Variants in BRK1 observed in about 807,000 individuals in gnomAD.
BRK1 encodes protein BRICK1.
In BRK1, 6 loss-of-function variants were observed where a neutral mutation model predicts 9.9. The observed-to-expected ratio is 0.60, with a 90% CI of 0.33 to 1.19. BRK1 has a LOEUF of 1.19. Ranked by LOEUF, BRK1 falls within the 50% of genes most tolerant of loss-of-function variation. The pLI is 0.04. For synonymous variants in BRK1, 44 were observed against 31.9 expected, an observed-to-expected ratio of 1.38 and a Z score of -1.28; for missense variants, 62 against 97.5, an observed-to-expected ratio of 0.64 and a Z score of 1.53.
intron 2 of BRK1, 21 bp from the exon 3 acceptor site, chr3:10,126,248 A>T (rs370276554): frequency 5.7e-5 from 86 of 1,509,194 alleles, no homozygotes; most frequent in Non-Finnish European, 7.2e-5. Context: ...TCTAAATGTC[A>T]GTTTTCCTTT....
At chr3:10,115,895 T>C in intron 1 of BRK1, 76 bp downstream of exon 1, 1 of 1,158,010 alleles carries the variant, frequency 8.6e-7, no homozygotes, top group Non-Finnish European at 1.3e-6. Flanking sequence ...GGGGAGATGC[T>C]TTGAGAGGAC....
At position 10,115,736 on chromosome 3, in the gene BRK1, T is replaced by G; in HGVS notation, c.35T>G (p.Ile12Ser). 6.2e-7 allele frequency: 1 copy of G among 1,613,698 alleles called. No homozygotes were observed. The highest frequency in any genetic ancestry group is 8.5e-7 in the Non-Finnish European group (1 of 1,179,790). The change falls in exon 1 of 3, where the codon ATT becomes AGT. Residue 12 changes from isoleucine (I) to serine (S), a missense_variant. Ile to Ser is a moderately radical substitution (Grantham distance 142). Coordinates refer to ENST00000530758, the MANE Select transcript of BRK1 (RefSeq NM_018462.5). ...CAGGAGGATCCGGTGCAGCGGGAGA[T>G]TCACCAGGACTGGGCTAACCGGGAG... ...AGQEDPVQRE[I>S]HQDWANREYI...
chr3:10,125,838 C>T (rs370623683), intron 2 of BRK1, 130 bp downstream of exon 2: 5 of 647,806 alleles, frequency 7.7e-6, no homozygotes, highest in Non-Finnish European at 1.3e-5. Flanking sequence ...CGCCTGTAAT[C>T]CCAGCACTTT....
At chr3:10,115,844 G>A (rs781432308) in intron 1 of BRK1, 25 bp downstream of exon 1, 1 of 1,586,822 alleles carries the variant, frequency 6.3e-7, no homozygotes, top group South Asian at 1.1e-5. Flanking sequence ...AAGGGGAGGC[G>A]GGGAGGAGGG....
intron 1 of BRK1, among the ~76,000 whole-genome samples, chr3:10,124,994 A>G (rs1430446173): frequency 6.6e-6 from 1 of 152,180 alleles, no homozygotes; most frequent in African/African-American, 2.4e-5. Context: ...ATTGGGCCCA[A>G]ATGGACAATC....
At position 10,126,993 on chromosome 3, in the gene BRK1, G is replaced by T. The variant is rs185958915; in HGVS notation, c.*698G>T. ...TTATTGCACAGAAATGTAATACATG[G>T]CGTTATTATTCTAACATAAAACTTT... On this transcript the variant is annotated 3_prime_UTR_variant, in exon 3 of 3. Coordinates refer to ENST00000530758, the MANE Select transcript of BRK1 (RefSeq NM_018462.5). The T allele has an allele frequency of 6.5e-6, 1 of 152,734 alleles. No homozygotes were observed. The highest frequency in any genetic ancestry group is 1.9e-4 in the East Asian group (1 of 5,186). The allele number at this position is 152,734 out of a possible 1,614,324, so 9.5% of individuals were successfully genotyped here. A position where few individuals can be genotyped will look rare whatever the true frequency, so the allele number is the denominator to read the frequency against.
intron 1 of BRK1, among the ~76,000 whole-genome samples, chr3:10,116,891 T>C (rs1044322476): frequency 6.6e-6 from 1 of 152,156 alleles, no homozygotes; most frequent in African/African-American, 2.4e-5. Context: ...TAATGACAAC[T>C]TCAGGACAAA....
intron 1 of BRK1, among the ~76,000 whole-genome samples, chr3:10,117,374 T>G (rs190110091): frequency 0.01 from 1,594 of 151,904 alleles, 14 homozygotes; most frequent in South Asian, 0.039. Flanking sequence ...AAGACTTTAT[T>G]TGGGCTTTTC....
At chr3:10,125,220 C>T (rs1248827149) in intron 1 of BRK1, among the ~76,000 whole-genome samples, 3 of 152,102 alleles carry the variant, frequency 2.0e-5, no homozygotes, top group African/African-American at 7.2e-5. Flanking sequence ...TTTCCTGCCT[C>T]AGCCTCTTAA....
In BRK1 at chr3:10,126,678, GA is replaced by G. The variant is rs1320950346; in HGVS notation, c.*385del. ...CTCATTGCCTTTGCACTGCTTCTGT[GA>G]ACAGTCTTTGTCTCCTCCCCACCTT... On this transcript the variant is annotated 3_prime_UTR_variant, in exon 3 of 3. Coordinates refer to ENST00000530758, the MANE Select transcript of BRK1 (RefSeq NM_018462.5). The G allele has an allele frequency of 5.4e-6, 1 of 185,150 alleles. No individual in the cohort carries two copies. The highest frequency in any genetic ancestry group is 1.1e-5 in the Non-Finnish European group (1 of 87,878). The allele number at this position is 185,150 out of a possible 1,614,324, so 11.5% of individuals were successfully genotyped here. A position where few individuals can be genotyped will look rare whatever the true frequency, so the allele number is the denominator to read the frequency against.
intron 2 of BRK1, 93 bp from the exon 3 acceptor site, chr3:10,126,176 T>C: frequency 1.2e-6 from 1 of 800,048 alleles, no homozygotes; most frequent in Non-Finnish European, 1.9e-6. Context: ...TCTTTTCTGC[T>C]ATTTCTCACT....
intron 1 of BRK1, among the ~76,000 whole-genome samples, chr3:10,122,097 T>C (rs1695765336): frequency 6.7e-6 from 1 of 148,690 alleles, no homozygotes; most frequent in African/African-American, 2.5e-5. Flanking sequence ...TTTTTTTTTG[T>C]ATTTTTAGTA....
chr3:10,119,628 C>G (rs1291946177), intron 1 of BRK1, among the ~76,000 whole-genome samples: 2 of 152,054 alleles, frequency 1.3e-5, no homozygotes, highest in African/African-American at 2.4e-5. Context: ...CTTGTGATTC[C>G]TGCTGGTGAG....
At chr3:10,124,027 G>A (rs68013239) in intron 1 of BRK1, among the ~76,000 whole-genome samples, 2 of 151,608 alleles carry the variant, frequency 1.3e-5, no homozygotes, top group African/African-American at 2.4e-5. Flanking sequence ...GAGCCATCAC[G>A]CCCAGCCTCG....
At chr3:10,126,231 T>A (rs1165683742) in intron 2 of BRK1, 38 bp from the exon 3 acceptor site, 8 of 1,464,418 alleles carry the variant, frequency 5.5e-6, no homozygotes, top group African/African-American at 2.9e-5. Flanking sequence ...TAATCTTTTT[T>A]AATTTATCTA....
chr3:10,120,148 G>A (rs1695737901), intron 1 of BRK1, among the ~76,000 whole-genome samples: 1 of 151,702 alleles, frequency 6.6e-6, no homozygotes, highest in Non-Finnish European at 1.5e-5. Flanking sequence ...TTCTGCCTCA[G>A]CCTCCTGAGT....
At chr3:10,120,493 C>A (rs1695742365) in intron 1 of BRK1, among the ~76,000 whole-genome samples, 1 of 152,148 alleles carries the variant, frequency 6.6e-6, no homozygotes, top group South Asian at 2.1e-4. Context: ...CCGTGCCCGG[C>A]CTGACAGTAT....
chr3:10,124,470 C>T (rs561443497), intron 1 of BRK1, among the ~76,000 whole-genome samples: 2 of 151,208 alleles, frequency 1.3e-5, no homozygotes, highest in Non-Finnish European at 3.0e-5. Flanking sequence ...AAAAAAAAAA[C>T]CAAAAAAACA....
At chr3:10,124,103 G>A (rs544025580) in intron 1 of BRK1, among the ~76,000 whole-genome samples, 2 of 151,286 alleles carry the variant, frequency 1.3e-5, no homozygotes, top group East Asian at 3.9e-4. Context: ...TCTTAGTTAG[G>A]CCATTAGTAA....
Sources: gnomAD v4.1 joint callset for allele counts (sites outside exome capture counted in the v4.1 genomes callset) on GRCh38, gnomAD v4.1.1 for gene constraint, MANE v1.5 for transcripts, NCBI Gene and HGNC (gene_info 2026-07-23, HGNC 2026-07-21) for gene names.